FARS2: variants seen among roughly 807,000 people sequenced by gnomAD.
FARS2 encodes the protein phenylalanyl-tRNA synthetase 2, mitochondrial.
FARS2 carries 40 observed loss-of-function variants against 46.4 expected under a neutral mutation model. That is an observed-to-expected ratio of 0.86 (90% confidence interval 0.67 to 1.12). The LOEUF (loss-of-function observed/expected upper bound fraction) is 1.12. Among genes scored for constraint, FARS2 ranks in the 50% most tolerant of loss-of-function variants. The pLI is 0.00. For missense variants in FARS2, 513 were observed against 567.9 expected (o/e 0.90, Z 0.98); for synonymous variants, 234 against 214.9 (o/e 1.09, Z -0.78).
intron 1 of FARS2, among the ~76,000 whole-genome samples, chr6:5,360,741 T>G (rs1758243718): frequency 1.3e-5 from 2 of 152,186 alleles, no homozygotes; most frequent in African/African-American, 4.8e-5. Context: ...TTTAAAAAAT[T>G]TTATCCTCCC....
intron 4 of FARS2, among the ~76,000 whole-genome samples, chr6:5,513,184 A>G (rs1043511460): frequency 2.6e-5 from 4 of 152,126 alleles, no homozygotes; most frequent in Admixed American, 6.5e-5. Flanking sequence ...AGCAAGTCCT[A>G]GTGACTCATC....
chr6:5,510,513 C>G (rs1425190222), intron 4 of FARS2, among the ~76,000 whole-genome samples: 1 of 152,218 alleles, frequency 6.6e-6, no homozygotes, highest in African/African-American at 2.4e-5. Flanking sequence ...CTCCTGAATG[C>G]CCGCCGCACG....
chr6:5,735,206 G>A (rs1760875338), intron 6 of FARS2, among the ~76,000 whole-genome samples: 1 of 152,204 alleles, frequency 6.6e-6, no homozygotes, highest in Admixed American at 6.5e-5. Context: ...TATGCAATAT[G>A]TCTATGTATG....
At chr6:5,392,587 C>T (rs1046940964) in intron 2 of FARS2, among the ~76,000 whole-genome samples, 2 of 151,750 alleles carry the variant, frequency 1.3e-5, no homozygotes, top group Admixed American at 6.6e-5. Flanking sequence ...AAGTACTTAG[C>T]CCACCTGCTC....
intron 6 of FARS2, among the ~76,000 whole-genome samples, chr6:5,666,004 G>A (rs549779060): frequency 9.9e-5 from 15 of 152,268 alleles, no homozygotes; most frequent in Non-Finnish European, 1.9e-4. Context: ...AAGAGACCCC[G>A]GGAAGGGAAG....
At position 5,769,605 on chromosome 6, in the gene FARS2, T is replaced by A. The variant is rs1762928880; in HGVS notation, c.1218-1686T>A. Among the ~76,000 whole-genome samples the A allele has an allele frequency of 2.0e-5, 3 of 152,334 alleles. No homozygotes were observed. In the South Asian group the frequency reaches 6.2e-4, roughly 32 times the overall value. On this transcript the variant is annotated intron_variant, in intron 6 of 6. Transcript: ENST00000274680. ...TGTCCACAGAGCAGAGCCATTGGCC[T>A]GAGCTGGACTGAAAAAGAAAGAGCC...
intron 6 of FARS2, among the ~76,000 whole-genome samples, chr6:5,754,872 T>TA (rs1364019570): frequency 6.6e-6 from 1 of 152,200 alleles, no homozygotes; most frequent in Non-Finnish European, 1.5e-5. Context: ...ATGTGACTAA[T>TA]ACAGTTTTTT....
chr6:5,279,927 A>G (rs1234028706), intron 1 of FARS2, among the ~76,000 whole-genome samples: 1 of 152,222 alleles, frequency 6.6e-6, no homozygotes, highest in African/African-American at 2.4e-5. Context: ...TAGACACACC[A>G]CATAATGTTT....
intron 5 of FARS2, among the ~76,000 whole-genome samples, chr6:5,604,237 C>T (rs1423458286): frequency 2.0e-5 from 3 of 152,270 alleles, no homozygotes; most frequent in East Asian, 1.9e-4. Context: ...TGTCATCGCT[C>T]GTAGGATGGG....
chr6:5,601,163 GCCA>G (rs1774488173), intron 5 of FARS2, among the ~76,000 whole-genome samples: 1 of 152,102 alleles, frequency 6.6e-6, no homozygotes, highest in African/African-American at 2.4e-5. Context: ...TGTTGTTCAA[GCCA>G]CCGAGTCTGT....
chr6:5,521,206 G>T (rs1769114443), intron 4 of FARS2, among the ~76,000 whole-genome samples: 1 of 152,104 alleles, frequency 6.6e-6, no homozygotes, highest in Non-Finnish European at 1.5e-5. Flanking sequence ...AGATCCTGAT[G>T]ATTTCTTTTG....
intron 6 of FARS2, among the ~76,000 whole-genome samples, chr6:5,634,874 A>T (rs1776468247): frequency 6.6e-6 from 1 of 152,118 alleles, no homozygotes; most frequent in Non-Finnish European, 1.5e-5. Flanking sequence ...AGCTTTCATC[A>T]TGATTTCTGG....
At chr6:5,615,693 G>A (rs1039762763) in intron 6 of FARS2, among the ~76,000 whole-genome samples, 54 of 151,386 alleles carry the variant, frequency 3.6e-4, no homozygotes, top group Admixed American at 2.2e-3. Flanking sequence ...CTTTTTTGCC[G>A]CTCATATTTG....
chr6:5,766,406 C>A (rs1192946054), intron 6 of FARS2, among the ~76,000 whole-genome samples: 3 of 152,230 alleles, frequency 2.0e-5, no homozygotes, highest in African/African-American at 7.2e-5. Context: ...GACATTAAAT[C>A]GTCTGTGCCC....
intron 1 of FARS2, among the ~76,000 whole-genome samples, chr6:5,339,239 C>T (rs1771382710): frequency 6.6e-6 from 1 of 152,182 alleles, no homozygotes; most frequent in Admixed American, 6.5e-5. Context: ...TAGACACTGT[C>T]ATGTAACTGG....
At chr6:5,691,805 G>A (rs1481899842) in intron 6 of FARS2, among the ~76,000 whole-genome samples, 2 of 152,202 alleles carry the variant, frequency 1.3e-5, no homozygotes, top group Non-Finnish European at 2.9e-5. Context: ...ACAGAGGCAG[G>A]CAGACCTCCT....
rs939258576 is a variant in FARS2 at position 5,343,799 on chromosome 6, C to G, written c.-21-24751C>G. 6.6e-5 allele frequency among the ~76,000 whole-genome samples: 10 copies of G among 152,168 alleles called. No homozygotes were observed. The highest frequency in any genetic ancestry group is 2.4e-4 in the African/African-American group (10 of 41,424). ...GTCTACTGTACTAATATTCATGCCTCTCTGCCCAAGTCTGTAGTGTCAGTT... is the reference window on the plus strand; with the variant it reads ...GTCTACTGTACTAATATTCATGCCTGTCTGCCCAAGTCTGTAGTGTCAGTT... On this transcript the variant is annotated intron_variant, in intron 1 of 6. Transcript: ENST00000274680. The surrounding 1 kb of genome is among the most constrained non-coding windows in gnomAD (Gnocchi z 4.5).
intron 6 of FARS2, among the ~76,000 whole-genome samples, chr6:5,694,008 A>G (rs1054730891): frequency 2.0e-5 from 3 of 152,212 alleles, no homozygotes; most frequent in African/African-American, 7.2e-5. Flanking sequence ...GCAAGAGGTC[A>G]TAGCCTGCGC....
In FARS2 at chr6:5,564,725, T is replaced by A. The variant is rs181138654; in HGVS notation, c.1065+19385T>A. On this transcript the variant is annotated intron_variant, in intron 5 of 6. Coordinates refer to ENST00000274680, the MANE Select transcript of FARS2 (RefSeq NM_006567.5). The stretch of plus-strand genomic sequence containing the variant: ...AAACTGTTCCACAAGGAATTTCACA[T>A]AAGACTTCTAAAGCCAAGCCCAGCC... 1.4e-4 allele frequency among the ~76,000 whole-genome samples: 22 copies of A among 152,350 alleles called. No individual in the cohort carries two copies. In the East Asian group the frequency reaches 4.2e-3, roughly 29 times the overall value.
Sources: gnomAD v4.1 joint callset for allele counts (sites outside exome capture counted in the v4.1 genomes callset) on GRCh38, gnomAD v4.1.1 for gene constraint, Gnocchi (gnomAD v3.1) non-coding constraint, MANE v1.5 for transcripts, NCBI Gene and HGNC (gene_info 2026-07-23, HGNC 2026-07-21) for gene names.